The following BDP1 variants were observed in gnomAD, a reference collection of about 807,000 sequenced individuals.
The protein encoded by BDP1 is transcription factor TFIIIB component B'' homolog.
Under a neutral mutation model 266.6 loss-of-function variants are expected in BDP1, and 169 were observed. That is an observed-to-expected ratio of 0.63 (90% CI 0.56 to 0.72). The LOEUF (loss-of-function observed/expected upper bound fraction) is 0.72, where lower values mean the gene tolerates loss of function less well. BDP1 is among the 30% of genes least tolerant of loss of function. BDP1 has a pLI of 0.00. For synonymous variants in BDP1, 1,090 were observed against 1,022.4 expected (o/e 1.07, Z -1.26); for missense variants, 3,015 against 3,053.8 (o/e 0.99, Z 0.30).
In BDP1 at chr5:71,456,029, C is replaced by A; in HGVS notation, c.152C>A (p.Thr51Lys). The A allele has an allele frequency of 6.2e-7, 1 of 1,613,582 alleles. No individual in the cohort carries two copies. Among genetic ancestry groups the A allele is most frequent in the East Asian group, 2.2e-5 (1 of 44,892 alleles). ...TCTGCTTCCAAGCCCGCGGAGCCCACAGATGTGCCCACAGTCGATTTCGGT... is the reference window on the plus strand; with the variant it reads ...TCTGCTTCCAAGCCCGCGGAGCCCAAAGATGTGCCCACAGTCGATTTCGGT... ...TDSASKPAEP[T>K]DVPTVDFGGA... The change falls in exon 1 of 39, where the codon ACA (threonine) becomes AAA (lysine). Residue 51 changes from threonine to lysine, a missense_variant. Physicochemically the swap from Thr to Lys is moderately conservative, Grantham distance 78. Transcript: ENST00000358731.
intron 33 of BDP1, 33 bp downstream of exon 33, chr5:71,548,778 A>AACTTAGTT: frequency 7.0e-7 from 1 of 1,433,210 alleles, no homozygotes; most frequent in Non-Finnish European, 9.7e-7. Context: ...CATGTCATAG[A>AACTTAGTT]ACTTAGTTGT....
chr5:71,526,860 A>G (rs1765921021), intron 25 of BDP1, among the ~76,000 whole-genome samples: 1 of 151,804 alleles, frequency 6.6e-6, no homozygotes, highest in South Asian at 2.1e-4. Flanking sequence ...TAATTTTTGT[A>G]TTTTTGGTAG....
At chr5:71,535,852 C>G (rs1766566816) in intron 26 of BDP1, among the ~76,000 whole-genome samples, 1 of 152,100 alleles carries the variant, frequency 6.6e-6, no homozygotes, top group African/African-American at 2.4e-5. Flanking sequence ...AAGGAAAGGA[C>G]ACCAGTCATA....
At chr5:71,513,114 G>A in intron 18 of BDP1, 71 bp from the exon 19 acceptor site, 2 of 986,402 alleles carry the variant, frequency 2.0e-6, no homozygotes, top group Non-Finnish European at 3.1e-6. Context: ...CAGTCTCTAA[G>A]GTTGTACTGA....
intron 15 of BDP1, among the ~76,000 whole-genome samples, chr5:71,504,145 C>T (rs35169009): frequency 0.025 from 3,779 of 151,632 alleles, 71 homozygotes; most frequent in South Asian, 0.073. Flanking sequence ...TGGTGGTGGA[C>T]GCCTGTAGTC....
At chr5:71,514,380 A>G (rs1279279542) in intron 19 of BDP1, among the ~76,000 whole-genome samples, 2 of 152,212 alleles carry the variant, frequency 1.3e-5, no homozygotes, top group Admixed American at 6.5e-5. Context: ...AAATATATGT[A>G]TTCTAAAAAG....
In BDP1 at chr5:71,510,838, A is replaced by C. The variant is rs376282264; in HGVS notation, c.3746A>C (p.Glu1249Ala). The change falls in exon 17 of 39, where the codon GAA becomes GCA. Residue 1249 changes from glutamate (E) to alanine (A), a missense_variant. Glu to Ala is a moderately radical substitution (Grantham distance 107). Around this residue, in one of 3 missense-constraint regions of BDP1, gnomAD observed 2,383 missense variants for 2,404.9 expected, o/e 0.99. Coordinates refer to ENST00000358731, the MANE Select transcript of BDP1 (RefSeq NM_018429.3). ...CTAGCAGAGTTCAGTGCTATAAGGG[A>C]AAAGGAGATTGATTTGAAAGAAACT... ...KVLAEFSAIR[E>A]KEIDLKETGK... 1.6e-5 allele frequency: 26 copies of C among 1,613,430 alleles called. No homozygotes were observed. Among genetic ancestry groups the C allele is most frequent in the Non-Finnish European group, 2.2e-5 (26 of 1,179,758 alleles).
chr5:71,484,811 C>T (rs1354290862), intron 8 of BDP1, among the ~76,000 whole-genome samples: 3 of 151,234 alleles, frequency 2.0e-5, no homozygotes, highest in East Asian at 3.9e-4. Context: ...TCCATTTAGT[C>T]GTAAGATTAG....
At position 71,509,504 on chromosome 5, in the gene BDP1, C is replaced by T. The variant is rs1345086205; in HGVS notation, c.2412C>T (p.Val804=). ...ENNKANKLNQ[V]PILRTRFQKP... Reference sequence around the variant, plus strand: ...ATAAGGCAAATAAACTTAACCAAGTCCCAATTCTAAGGACTCGATTTCAGA... The same window carrying T: ...ATAAGGCAAATAAACTTAACCAAGTTCCAATTCTAAGGACTCGATTTCAGA... Residue 804 remains valine, a synonymous_variant, in exon 17 of 39, where the codon GTC becomes GTT. Coordinates refer to ENST00000358731, the MANE Select transcript of BDP1 (RefSeq NM_018429.3). 6.3e-7 allele frequency: 1 copy of T among 1,597,068 alleles called. No individual in the cohort carries two copies. Among genetic ancestry groups the T allele is most frequent in the East Asian group, 2.2e-5 (1 of 44,808 alleles).
At position 71,470,380 on chromosome 5, in the gene BDP1, CTTTTA is replaced by C; in HGVS notation, c.920-10_920-6del. 1 of 1,529,740 alleles carries C rather than the reference CTTTTA, an allele frequency of 6.5e-7. No homozygotes were observed. Among genetic ancestry groups the C allele is most frequent in the Non-Finnish European group, 9.0e-7 (1 of 1,111,308 alleles). The allele number at this position is 1,529,740 out of a possible 1,614,324, so 94.8% of individuals were successfully genotyped here. A position where few individuals can be genotyped will look rare whatever the true frequency, so the allele number is the denominator to read the frequency against. ...TAATTAATTTTCAATCATTCTAAATCTTTTATTTTCACAGAAACAGATATGTTTTT... is the reference window on the plus strand; with the variant it reads ...TAATTAATTTTCAATCATTCTAAATCTTTTCACAGAAACAGATATGTTTTT... On this transcript the variant is annotated splice_polypyrimidine_tract_variant and intron_variant, in intron 6 of 38. Transcript: ENST00000358731.
chr5:71,530,583 C>T (rs1185669148), intron 25 of BDP1, among the ~76,000 whole-genome samples: 1 of 151,844 alleles, frequency 6.6e-6, no homozygotes, highest in Non-Finnish European at 1.5e-5. Context: ...CAAGATCTTG[C>T]TGTGTTGTCC....
chr5:71,563,994 TA>T (rs970011267), intron 38 of BDP1, among the ~76,000 whole-genome samples: 1 of 152,222 alleles, frequency 6.6e-6, no homozygotes, highest in Non-Finnish European at 1.5e-5. Flanking sequence ...TAGAGTTTTT[TA>T]AAAAATACTT....
At chr5:71,549,047 T>C (rs544172854) in intron 33 of BDP1, among the ~76,000 whole-genome samples, 1 of 152,300 alleles carries the variant, frequency 6.6e-6, no homozygotes, top group South Asian at 2.1e-4. Flanking sequence ...GAGACCAGCC[T>C]GGCCAACATG....
In BDP1 at chr5:71,489,508, G is replaced by C. The variant is rs201957359; in HGVS notation, c.1318G>C (p.Glu440Gln). The C allele has an allele frequency of 3.3e-4, 531 of 1,614,122 alleles. No individual in the cohort carries two copies. The highest frequency in any genetic ancestry group is 4.1e-4 in the Non-Finnish European group (484 of 1,179,978). Reference protein sequence around the residue: ...RSQKDAQTVEEESLTLSREDA... With the variant: ...RSQKDAQTVEQESLTLSREDA... ...TCAGAAGGATGCTCAGACAGTTGAA[G>C]AAGAGTCTCTGACCTTATCAAGGGA... is the stretch of plus-strand genomic sequence containing the variant. The change falls in exon 10 of 39, where the codon GAA becomes CAA. Residue 440 changes from glutamate (E) to glutamine (Q), a missense_variant. This residue lies in a region of BDP1 where 2,383 missense variants were observed against 2,404.9 expected (regional missense o/e 0.99). Transcript: ENST00000358731.
Position 71,510,131 on chromosome 5 carries a change from C to T in BDP1, c.3039C>T (p.Asn1013=), listed in dbSNP as rs754939837. 1.9e-5 allele frequency: 31 copies of T among 1,592,382 alleles called. No individual in the cohort carries two copies. The highest frequency in any genetic ancestry group is 6.9e-5 in the East Asian group (3 of 43,738). ...KPVDEMETDL[N]ATGRESSPRE... The stretch of plus-strand genomic sequence containing the variant: ...TAGATGAAATGGAGACAGATTTGAA[C>T]GCAACTGGAAGAGAGAGTTCTCCAA... Residue 1013 remains asparagine, a synonymous_variant, in exon 17 of 39, where the codon AAC becomes AAT. Coordinates refer to ENST00000358731, the MANE Select transcript of BDP1 (RefSeq NM_018429.3).
In BDP1 at chr5:71,567,525, T is replaced by C. The variant is rs1419210973; in HGVS notation, c.*2640T>C. 2.0e-5 allele frequency: 3 copies of C among 152,598 alleles called. No homozygotes were observed. Among genetic ancestry groups the C allele is most frequent in the South Asian group, 4.1e-4 (2 of 4,826 alleles). The allele number at this position is 152,598 out of a possible 1,614,324, so 9.5% of individuals were successfully genotyped here. Reference sequence around the variant, plus strand: ...TATTTCACAAATTTTAAAGGAGATATGAGTAAAAGTTTTTATCTTTTCTTG... The same window carrying C: ...TATTTCACAAATTTTAAAGGAGATACGAGTAAAAGTTTTTATCTTTTCTTG... On this transcript the variant is annotated 3_prime_UTR_variant, in exon 39 of 39. Coordinates refer to ENST00000358731, the MANE Select transcript of BDP1 (RefSeq NM_018429.3).
intron 22 of BDP1, 127 bp from the exon 23 acceptor site, chr5:71,522,162 T>G: frequency 1.5e-6 from 1 of 682,494 alleles, no homozygotes; most frequent in Non-Finnish European, 2.5e-6. Flanking sequence ...TTGATTTTAT[T>G]GCCAATTTAT....
chr5:71,506,824 C>CACACA (rs1764615685), intron 16 of BDP1, among the ~76,000 whole-genome samples: 1 of 65,680 alleles, frequency 1.5e-5, no homozygotes, highest in African/African-American at 4.0e-5. Context: ...CACACACACA[C>CACACA]CCATATTTTT....
At chr5:71,467,596 T>C (rs1222266520) in intron 6 of BDP1, 109 bp downstream of exon 6, 1 of 898,248 alleles carries the variant, frequency 1.1e-6, no homozygotes, top group Non-Finnish European at 1.7e-6. Flanking sequence ...ACTACCATTT[T>C]ATTCCAGCTA....
Sources: gnomAD v4.1 joint callset for allele counts (sites outside exome capture counted in the v4.1 genomes callset) on GRCh38, gnomAD v4.1.1 for gene constraint, gnomAD v4.1.1 regional missense constraint, MANE v1.5 for transcripts, NCBI Gene and HGNC (gene_info 2026-07-23, HGNC 2026-07-21) for gene names.